NRAP: variants seen among roughly 807,000 people sequenced by gnomAD.
NRAP encodes the protein nebulin-related-anchoring protein.
In NRAP, 189 loss-of-function variants were observed where a neutral mutation model predicts 225.9. The ratio of observed to expected loss-of-function variants is 0.84; its 90% CI spans 0.74 to 0.94. The LOEUF (loss-of-function observed/expected upper bound fraction) is 0.94, where lower values mean the gene tolerates loss of function less well. NRAP is among the 40% of genes least tolerant of loss of function. NRAP has a pLI of 0.00. For missense variants in NRAP, 2,176 were observed against 2,168.7 expected (o/e 1.00, Z -0.07); for synonymous variants, 769 against 790.7 (o/e 0.97, Z 0.46).
intron 14 of NRAP, among the ~76,000 whole-genome samples, chr10:113,637,886 C>T (rs951829327): frequency 6.6e-6 from 1 of 150,526 alleles, no homozygotes; most frequent in Non-Finnish European, 1.5e-5. Context: ...CGCACCATTA[C>T]ACTCCAGCTT....
At chr10:113,645,386 T>C (rs1030981958) in intron 11 of NRAP, among the ~76,000 whole-genome samples, 1 of 150,902 alleles carries the variant, frequency 6.6e-6, no homozygotes, top group African/African-American at 2.4e-5. Context: ...CAGTAACCAA[T>C]GGGTAGAATA....
chr10:113,603,433 C>A (rs1013754010), intron 35 of NRAP, among the ~76,000 whole-genome samples: 2 of 152,032 alleles, frequency 1.3e-5, no homozygotes, highest in African/African-American at 2.4e-5. Flanking sequence ...GAGCTCCCCC[C>A]AAGAGAGCAG....
At position 113,627,925 on chromosome 10, in the gene NRAP, C is replaced by T. The variant is rs1337656604; in HGVS notation, c.2145+992G>A. On this transcript the variant is annotated intron_variant, in intron 20 of 41. Coordinates refer to ENST00000359988, the MANE Select transcript of NRAP (RefSeq NM_198060.4). ...TGATGATTCAATAATGATTATCAGC[C>T]CTTAAATGGCAGCTATTATTATCAC... is the stretch of plus-strand genomic sequence containing the variant. Among the ~76,000 whole-genome samples the T allele has an allele frequency of 2.0e-5, 3 of 152,082 alleles. No individual in the cohort carries two copies. The East Asian group carries it at 5.8e-4, about 29-fold the overall frequency.
chr10:113,607,199 T>TCAAACAAA (rs200325806), intron 32 of NRAP, among the ~76,000 whole-genome samples: 5 of 140,214 alleles, frequency 3.6e-5, no homozygotes, highest in East Asian at 2.1e-4. Context: ...TGACTCTGTC[T>TCAAACAAA]CAAACAAACA....
At position 113,650,100 on chromosome 10, in the gene NRAP, C is replaced by A. The variant is rs771883589; in HGVS notation, c.825G>T (p.Met275Ile). The change falls in exon 9 of 42, where the codon ATG (methionine) becomes ATT (isoleucine). Residue 275 changes from methionine (M) to isoleucine (I), a missense_variant. Around this residue, in one of 3 missense-constraint regions of NRAP, gnomAD observed 1,708 missense variants for 1,695.5 expected, o/e 1.01. Transcript: ENST00000359988. ...CCTCAGCTCCAATGGCTGGACCAGCCATTCCCCTCATTTCTTTTTGATATT... is the reference window on the plus strand; with the variant it reads ...CCTCAGCTCCAATGGCTGGACCAGCAATTCCCCTCATTTCTTTTTGATATT... ...HQQYQKEMRG[M>I]AGPAIGAEGI... The A allele has an allele frequency of 9.9e-6, 16 of 1,612,636 alleles. No homozygotes were observed. The highest frequency in any genetic ancestry group is 1.4e-5 in the Non-Finnish European group (16 of 1,178,772).
At chr10:113,645,781 A>G (rs1199971822) in intron 11 of NRAP, 44 bp downstream of exon 11, 9 of 998,280 alleles carry the variant, frequency 9.0e-6, no homozygotes, top group Non-Finnish European at 1.4e-5. Flanking sequence ...TATAGGAGAT[A>G]AAAGAGGTGA....
At chr10:113,620,497 G>C in intron 25 of NRAP, 107 bp downstream of exon 25, 1 of 809,320 alleles carries the variant, frequency 1.2e-6, no homozygotes, top group South Asian at 1.6e-5. Context: ...CTTTCATGTG[G>C]CTTTGCCTTT....
intron 20 of NRAP, among the ~76,000 whole-genome samples, chr10:113,627,703 T>C (rs1440498835): frequency 6.6e-6 from 1 of 152,242 alleles, no homozygotes; most frequent in East Asian, 1.9e-4. Flanking sequence ...GATACAATAC[T>C]GTCTCATGGT....
At chr10:113,654,507 C>CAAAAAAA (rs56238053) in intron 4 of NRAP, among the ~76,000 whole-genome samples, 44 of 128,662 alleles carry the variant, frequency 3.4e-4, no homozygotes, top group African/African-American at 4.9e-4. Flanking sequence ...GCAATAAAAG[C>CAAAAAAA]AAAAAAAAAA....
chr10:113,646,413 C>T (rs183015086), intron 10 of NRAP, among the ~76,000 whole-genome samples: 22 of 152,248 alleles, frequency 1.4e-4, no homozygotes, highest in African/African-American at 2.4e-4. Flanking sequence ...TGGCAAGGGG[C>T]GTGAAATGAA....
At chr10:113,620,803 C>A in intron 24 of NRAP, 95 bp from the exon 25 acceptor site, 1 of 833,290 alleles carries the variant, frequency 1.2e-6, no homozygotes. Context: ...GCCTTGGTGC[C>A]AGCTGAGTCA....
chr10:113,655,661 G>A (rs1375127392), intron 4 of NRAP, among the ~76,000 whole-genome samples: 1 of 151,978 alleles, frequency 6.6e-6, no homozygotes, highest in African/African-American at 2.4e-5. Flanking sequence ...TGTTGGCCAG[G>A]CTAGTCTCGA....
intron 32 of NRAP, among the ~76,000 whole-genome samples, chr10:113,606,793 C>T (rs148273612): frequency 6.6e-6 from 1 of 152,272 alleles, no homozygotes; most frequent in African/African-American, 2.4e-5. Flanking sequence ...ATGAGCCAGG[C>T]GTGGTGGCTG....
intron 29 of NRAP, 139 bp downstream of exon 29, chr10:113,614,044 G>C (rs912401935): frequency 4.5e-6 from 3 of 665,600 alleles, no homozygotes; most frequent in Non-Finnish European, 8.2e-6. Flanking sequence ...GAGGGGACAA[G>C]TGATTTAACA....
At chr10:113,600,331 C>T (rs1227404200) in intron 35 of NRAP, among the ~76,000 whole-genome samples, 1 of 146,468 alleles carries the variant, frequency 6.8e-6, no homozygotes, top group Non-Finnish European at 1.5e-5. Flanking sequence ...ACCACCACAA[C>T]TGCCTCATTT....
chr10:113,590,992 A>C, intron 39 of NRAP, 103 bp from the exon 40 acceptor site: 1 of 957,944 alleles, frequency 1.0e-6, no homozygotes, highest in Admixed American at 2.1e-5. Context: ...GAGGCTCAAG[A>C]GTGGGTTAGA....
intron 26 of NRAP, among the ~76,000 whole-genome samples, chr10:113,616,840 C>T (rs1251180266): frequency 6.6e-6 from 1 of 152,150 alleles, no homozygotes; most frequent in African/African-American, 2.4e-5. Flanking sequence ...GGTTAATCTA[C>T]ATCACAAAGT....
rs1297856051 is a variant in NRAP, at chr10:113,590,594, T to C, written c.4940A>G (p.His1647Arg). The part of the protein sequence containing the change: ...QLGLRHAQKA[H>R]QLQSDVKYKS... ...GTGGCTCACATCACTCTGCAGCTGG[T>C]GGGCCTTCTGAGCATGCCTGAGGCC... Residue 1647 changes from histidine to arginine, a missense_variant, in exon 40 of 42, where the codon CAC becomes CGC. His to Arg is a conservative substitution (Grantham distance 29, BLOSUM62 0). This residue lies in a region of NRAP where 445 missense variants were observed against 426.1 expected (regional missense o/e 1.04). Coordinates refer to ENST00000359988, the MANE Select transcript of NRAP (RefSeq NM_198060.4). The C allele has an allele frequency of 1.2e-6, 2 of 1,611,618 alleles. No individual in the cohort carries two copies. Among genetic ancestry groups the C allele is most frequent in the Non-Finnish European group, 1.7e-6 (2 of 1,179,684 alleles).
intron 35 of NRAP, 31 bp downstream of exon 35, chr10:113,604,578 G>T (rs774423379): frequency 6.3e-7 from 1 of 1,589,276 alleles, no homozygotes; most frequent in South Asian, 1.1e-5. Context: ...AAGGCTGGGG[G>T]CTGGTTTGCA....
Sources: allele counts gnomAD v4.1 joint callset (sites outside exome capture counted in the v4.1 genomes callset), GRCh38; gene constraint gnomAD v4.1.1; regional missense constraint gnomAD v4.1.1; transcripts MANE v1.5; gene names NCBI Gene and HGNC (gene_info 2026-07-23, HGNC 2026-07-21).